The following BTAF1 variants were observed in gnomAD, a reference collection of about 807,000 sequenced individuals.
BTAF1 encodes TATA-binding protein-associated factor 172.
Under a neutral mutation model 227.1 loss-of-function variants are expected in BTAF1, and 38 were observed. That is an observed-to-expected ratio of 0.17 (90% CI 0.13 to 0.22). The LOEUF is 0.22. Among genes scored for constraint, BTAF1 ranks in the 10% least tolerant of loss-of-function variants. The pLI is 1.00. For missense variants in BTAF1, 1,598 were observed against 2,204.0 expected (o/e 0.73, Z 5.51); for synonymous variants, 742 against 751.9 (o/e 0.99, Z 0.21).
At chr10:92,018,376 C>A (rs1404171542) in intron 33 of BTAF1, among the ~76,000 whole-genome samples, 1 of 152,154 alleles carries the variant, frequency 6.6e-6, no homozygotes, top group African/African-American at 2.4e-5. Context: ...GCACCATGCC[C>A]GGCCAGAAAT....
chr10:92,025,024 G>A (rs921282844), intron 35 of BTAF1, 57 bp downstream of exon 35: 41 of 1,461,448 alleles, frequency 2.8e-5, no homozygotes, highest in African/African-American at 4.3e-5. Context: ...TTACATAGAA[G>A]TTTGCCCCAT....
At chr10:91,985,008 G>A (rs1848309662) in intron 19 of BTAF1, among the ~76,000 whole-genome samples, 1 of 151,654 alleles carries the variant, frequency 6.6e-6, no homozygotes, top group Non-Finnish European at 1.5e-5. Context: ...GCTGTTCTGA[G>A]GAAAAATTTA....
chr10:91,974,929 C>G (rs1847578715), intron 14 of BTAF1, among the ~76,000 whole-genome samples: 1 of 152,176 alleles, frequency 6.6e-6, no homozygotes, highest in African/African-American at 2.4e-5. Context: ...AAACTAGCAG[C>G]TTGGTAATCA....
chr10:91,958,949 C>T, intron 8 of BTAF1, 116 bp from the exon 9 acceptor site: 1 of 840,998 alleles, frequency 1.2e-6, no homozygotes, highest in Non-Finnish European at 1.9e-6. Context: ...TGTAAAGTTC[C>T]ACTTAGTTTA....
chr10:91,933,043 C>A (rs1844378530), intron 1 of BTAF1, among the ~76,000 whole-genome samples: 1 of 152,170 alleles, frequency 6.6e-6, no homozygotes, highest in Non-Finnish European at 1.5e-5. Flanking sequence ...CAACCCCAAC[C>A]AGTGACCATT....
intron 13 of BTAF1, 86 bp downstream of exon 13, chr10:91,964,287 C>A: frequency 7.0e-7 from 1 of 1,425,382 alleles, no homozygotes; most frequent in Non-Finnish European, 9.6e-7. Context: ...AATATTTTAG[C>A]ACCTTTAAGA....
intron 4 of BTAF1, among the ~76,000 whole-genome samples, chr10:91,950,082 C>T (rs1345995522): frequency 6.9e-6 from 1 of 145,214 alleles, no homozygotes; most frequent in Non-Finnish European, 1.5e-5. Flanking sequence ...TTTGAGGCTG[C>T]AGTGAGCTAT....
intron 34 of BTAF1, among the ~76,000 whole-genome samples, chr10:92,019,777 G>A (rs1850990113): frequency 6.6e-6 from 1 of 151,968 alleles, no homozygotes; most frequent in Admixed American, 6.6e-5. Flanking sequence ...CTTTTCATGT[G>A]CTTATTGGAC....
intron 1 of BTAF1, among the ~76,000 whole-genome samples, chr10:91,924,677 G>A (rs1589719450): frequency 6.6e-6 from 1 of 152,330 alleles, no homozygotes; most frequent in African/African-American, 2.4e-5. Flanking sequence ...TAACTAAGGC[G>A]TGGAAGATAA....
chr10:92,013,482 A>G lies in BTAF1; in HGVS notation c.4312-185A>G, dbSNP rs192916617. ...GAGGATTTCCCCCAGATAGGATACA[A>G]TATTCTCTCCAAGGATACTGACCTG... On this transcript the variant is annotated intron_variant, in intron 30 of 37. Coordinates refer to ENST00000265990, the MANE Select transcript of BTAF1 (RefSeq NM_003972.3). 2.3e-3 allele frequency among the ~76,000 whole-genome samples: 344 copies of G among 152,352 alleles called. 5 individuals carry two copies. The highest frequency in any genetic ancestry group is 7.8e-3 in the African/African-American group (326 of 41,582).
chr10:92,017,613 C>T (rs1307279155), intron 33 of BTAF1, among the ~76,000 whole-genome samples: 2 of 151,806 alleles, frequency 1.3e-5, no homozygotes, highest in African/African-American at 2.4e-5. Flanking sequence ...AGGGCTCAAG[C>T]GATCCTCAGC....
intron 4 of BTAF1, among the ~76,000 whole-genome samples, chr10:91,947,586 A>G (rs904382576): frequency 6.6e-6 from 1 of 152,116 alleles, no homozygotes. Flanking sequence ...CGCGAGTACC[A>G]CATTGTCTAA....
Position 92,009,193 on chromosome 10 carries a change from C to T in BTAF1, c.4088C>T (p.Pro1363Leu). The change falls in exon 28 of 38, where the codon CCC becomes CTC. Residue 1363 changes from proline to leucine, a missense_variant. This residue lies in a region of BTAF1 where 184 missense variants were observed against 341.1 expected (regional missense o/e 0.54). Coordinates refer to ENST00000265990, the MANE Select transcript of BTAF1 (RefSeq NM_003972.3). ...AACCCGTTGCATTACACTGGACCTC[C>T]CACTGAAAGAATAAGGTAAGAGTTG... The part of the protein sequence containing the change: ...YLNPLHYTGP[P>L]TERIRLQHQV... 6.2e-7 allele frequency: 1 copy of T among 1,613,738 alleles called. No homozygotes were observed. The highest frequency in any genetic ancestry group is 1.1e-5 in the South Asian group (1 of 90,986).
chr10:91,975,937 G>A (rs1287283986), intron 14 of BTAF1, among the ~76,000 whole-genome samples: 4 of 152,118 alleles, frequency 2.6e-5, no homozygotes, highest in Non-Finnish European at 5.9e-5. Flanking sequence ...TGCCAACTTG[G>A]TATCATACAA....
At chr10:92,025,065 A>G (rs1851401143) in intron 35 of BTAF1, 98 bp downstream of exon 35, 3 of 1,069,374 alleles carry the variant, frequency 2.8e-6, no homozygotes, top group South Asian at 1.6e-5. Context: ...ATATCTGCAA[A>G]TGCATTTTTT....
chr10:91,928,131 A>G (rs550118934), intron 1 of BTAF1, among the ~76,000 whole-genome samples: 2 of 151,994 alleles, frequency 1.3e-5, no homozygotes, highest in South Asian at 2.1e-4. Context: ...TGAAGTTTAT[A>G]ATATAGTAAA....
Position 91,989,517 on chromosome 10 carries a change from C to G in BTAF1, c.2791C>G (p.Pro931Ala). ...KNLCSSLCVDPYLTPCVTCPV... is the reference protein window; with the variant it reads ...KNLCSSLCVDAYLTPCVTCPV... ...CCTCTGTAGCTCACTTTGTGTGGAC[C>G]CATATCTAACTCCTTGTGTCACATG... Residue 931 changes from proline to alanine, a missense_variant, in exon 20 of 38, where the codon CCA becomes GCA. This residue lies in a region of BTAF1 where 425 missense variants were observed against 491.2 expected (regional missense o/e 0.87). Transcript: ENST00000265990. The G allele has an allele frequency of 6.2e-7, 1 of 1,613,552 alleles. No individual in the cohort carries two copies.
At chr10:92,012,598 C>T (rs976706053) in intron 30 of BTAF1, among the ~76,000 whole-genome samples, 4 of 150,684 alleles carry the variant, frequency 2.7e-5, no homozygotes, top group Non-Finnish European at 5.9e-5. Flanking sequence ...TGGCAAAACC[C>T]CATCTCTACT....
At chr10:91,979,261 G>GAAT (rs1847916616) in intron 14 of BTAF1, among the ~76,000 whole-genome samples, 1 of 152,096 alleles carries the variant, frequency 6.6e-6, no homozygotes, top group African/African-American at 2.4e-5. Flanking sequence ...TTGCTCTTGT[G>GAAT]AATAGTGTTG....
Sources: gnomAD v4.1 joint callset for allele counts (sites outside exome capture counted in the v4.1 genomes callset) on GRCh38, gnomAD v4.1.1 for gene constraint, gnomAD v4.1.1 regional missense constraint, MANE v1.5 for transcripts, NCBI Gene and HGNC (gene_info 2026-07-23, HGNC 2026-07-21) for gene names.